DIP2C: variants seen among roughly 807,000 people sequenced by gnomAD.
The protein encoded by DIP2C is DIP2 acetate--CoA ligase C (putative), also known as disco-interacting protein 2 homolog C.
In DIP2C, 33 loss-of-function variants were observed where a neutral mutation model predicts 192.4. The observed-to-expected ratio is 0.17, with a 90% CI of 0.13 to 0.23. The LOEUF is 0.23. Ranked by LOEUF, DIP2C falls within the 10% of genes least tolerant of loss-of-function variation. The probability of loss-of-function intolerance (pLI) is 1.00; values close to 1 mark genes in which losing one functional copy is unlikely to be tolerated. For missense variants in DIP2C, 1,537 were observed against 2,110.1 expected (o/e 0.73, Z 5.32); for synonymous variants, 979 against 864.1 (o/e 1.13, Z -2.33).
chr10:406,773 C>A (rs939823896), intron 9 of DIP2C, among the ~76,000 whole-genome samples: 12 of 152,130 alleles, frequency 7.9e-5, no homozygotes, highest in African/African-American at 2.9e-4. Flanking sequence ...CTGGCTCCAA[C>A]AGTCTGAATC....
In DIP2C at chr10:326,987, T is replaced by G; in HGVS notation, c.3924+19A>C. 1 of 1,602,340 alleles carries G rather than the reference T, an allele frequency of 6.2e-7. No homozygotes were observed. The highest frequency in any genetic ancestry group is 8.5e-7 in the Non-Finnish European group (1 of 1,174,172). On this transcript the variant is annotated intron_variant, in intron 31 of 36. Transcript: ENST00000280886. ...GAGCCACACTTCCCACTCAGCACTG[T>G]GATGTCGCCGAATCTCACCTGCAAG... is the stretch of plus-strand genomic sequence containing the variant.
At chr10:390,931 C>T (rs1318235914) in intron 10 of DIP2C, 68 bp from the exon 11 acceptor site, 1 of 1,584,356 alleles carries the variant, frequency 6.3e-7, no homozygotes, top group East Asian at 2.2e-5. Context: ...TTCGGCCCTC[C>T]CTCCAGCGTT....
intron 8 of DIP2C, among the ~76,000 whole-genome samples, chr10:413,239 C>G (rs1159748673): frequency 2.6e-5 from 4 of 152,232 alleles, no homozygotes; most frequent in African/African-American, 9.6e-5. Flanking sequence ...ACGCACTTCT[C>G]TGCTACCGTT....
chr10:300,673 A>C (rs1329761106), intron 32 of DIP2C, among the ~76,000 whole-genome samples: 1 of 142,386 alleles, frequency 7.0e-6, no homozygotes, highest in African/African-American at 2.6e-5. Context: ...CGCGGCCCTG[A>C]GCGTGTGGAG....
At chr10:647,950 G>A (rs1855565093) in intron 1 of DIP2C, among the ~76,000 whole-genome samples, 1 of 151,744 alleles carries the variant, frequency 6.6e-6, no homozygotes, top group African/African-American at 2.4e-5. Flanking sequence ...TGGCGGGAGA[G>A]AACAGAGGGA....
intron 1 of DIP2C, among the ~76,000 whole-genome samples, chr10:592,747 C>G (rs905200748): frequency 6.6e-6 from 1 of 152,098 alleles, no homozygotes; most frequent in Admixed American, 6.5e-5. Context: ...TTTTTCCCAA[C>G]TGTTCCTTTG....
At chr10:613,340 G>A (rs143189091) in intron 1 of DIP2C, among the ~76,000 whole-genome samples, 13 of 152,248 alleles carry the variant, frequency 8.5e-5, no homozygotes, top group East Asian at 1.9e-4. Flanking sequence ...AGTGCAGTGC[G>A]ATTTTCTATA....
chr10:346,278 A>G (rs1288812615), intron 26 of DIP2C, among the ~76,000 whole-genome samples: 2 of 56,222 alleles, frequency 3.6e-5, no homozygotes, highest in East Asian at 1.2e-3. Context: ...CAACCCAGAC[A>G]CATCGCGCAT....
intron 1 of DIP2C, among the ~76,000 whole-genome samples, chr10:526,732 G>A (rs982171461): frequency 7.2e-5 from 11 of 152,196 alleles, no homozygotes; most frequent in African/African-American, 2.4e-4. Context: ...ACTTCCGGAA[G>A]GCATTTGTGT....
chr10:482,833 CTT>C (rs1425063388), intron 2 of DIP2C, among the ~76,000 whole-genome samples: 1 of 152,208 alleles, frequency 6.6e-6, no homozygotes, highest in African/African-American at 2.4e-5. Flanking sequence ...AGGTTTACAA[CTT>C]TGACTGGGCT....
intron 1 of DIP2C, among the ~76,000 whole-genome samples, chr10:554,945 T>C (rs1848762552): frequency 6.6e-6 from 1 of 152,068 alleles, no homozygotes; most frequent in African/African-American, 2.4e-5. Context: ...CTCTGGTTCG[T>C]CAGAGACAGA....
chr10:569,053 C>A (rs768697446), intron 1 of DIP2C, among the ~76,000 whole-genome samples: 7 of 152,212 alleles, frequency 4.6e-5, no homozygotes, highest in Non-Finnish European at 1.0e-4. Flanking sequence ...CTGCTCACTG[C>A]ATGGGAGATC....
At chr10:584,020 C>T (rs557943985) in intron 1 of DIP2C, among the ~76,000 whole-genome samples, 1 of 152,266 alleles carries the variant, frequency 6.6e-6, no homozygotes, top group South Asian at 2.1e-4. Context: ...CCTCACTGAC[C>T]TCTGTCCCTT....
intron 8 of DIP2C, among the ~76,000 whole-genome samples, chr10:410,665 G>A (rs1965125448): frequency 6.6e-6 from 1 of 152,180 alleles, no homozygotes; most frequent in African/African-American, 2.4e-5. Context: ...TGTTGTAACT[G>A]AATAAATCAA....
At chr10:567,016 T>C (rs146531859) in intron 1 of DIP2C, among the ~76,000 whole-genome samples, 8 of 152,264 alleles carry the variant, frequency 5.3e-5, no homozygotes, top group African/African-American at 1.9e-4. Context: ...GAAAAATAAT[T>C]CTTTGTAATT....
chr10:515,007 C>T (rs1422638867), intron 1 of DIP2C, among the ~76,000 whole-genome samples: 1 of 152,206 alleles, frequency 6.6e-6, no homozygotes, highest in Non-Finnish European at 1.5e-5. Context: ...TTCTCATCAG[C>T]TCCCACCTGG....
intron 1 of DIP2C, among the ~76,000 whole-genome samples, chr10:571,997 G>A (rs572301376): frequency 4.6e-5 from 7 of 152,318 alleles, no homozygotes; most frequent in Admixed American, 1.3e-4. Flanking sequence ...TCATGTTTGC[G>A]AAATCTAAGC....
At chr10:617,659 CCCCA>C (rs982281915) in intron 1 of DIP2C, among the ~76,000 whole-genome samples, 13 of 150,654 alleles carry the variant, frequency 8.6e-5, no homozygotes, top group South Asian at 4.2e-4. Context: ...GATACCACCC[CCCCA>C]CCCCCACCCC....
At chr10:480,661 G>A (rs1251494185) in intron 2 of DIP2C, among the ~76,000 whole-genome samples, 1 of 151,740 alleles carries the variant, frequency 6.6e-6, no homozygotes, top group African/African-American at 2.4e-5. Flanking sequence ...CGTAGGCTCA[G>A]CTGCACTCCC....
Sources: gnomAD v4.1 joint callset for allele counts (sites outside exome capture counted in the v4.1 genomes callset) on GRCh38, gnomAD v4.1.1 for gene constraint, MANE v1.5 for transcripts, NCBI Gene and HGNC (gene_info 2026-07-23, HGNC 2026-07-21) for gene names.